CDH5: variants seen among roughly 807,000 people sequenced by gnomAD.
CDH5 encodes the protein cadherin-5.
A neutral mutation model predicts 62.0 loss-of-function variants in CDH5; 28 were observed. That is an observed-to-expected ratio of 0.45 (90% CI 0.33 to 0.62). The LOEUF (loss-of-function observed/expected upper bound fraction) is 0.62, where lower values mean the gene tolerates loss of function less well. Among genes scored for constraint, CDH5 ranks in the 20% least tolerant of loss-of-function variants. CDH5 has a pLI of 0.02. For missense variants in CDH5, 940 were observed against 1,065.1 expected (o/e 0.88, Z 1.63); for synonymous variants, 464 against 445.8 (o/e 1.04, Z -0.52).
intron 1 of CDH5, among the ~76,000 whole-genome samples, chr16:66,375,264 AG>A (rs2142309897): frequency 6.6e-6 from 1 of 152,316 alleles, no homozygotes; most frequent in African/African-American, 2.4e-5. Context: ...AAGATAAAAA[AG>A]GAGCCTGTAA....
intron 8 of CDH5, among the ~76,000 whole-genome samples, chr16:66,397,048 C>T (rs926892695): frequency 2.6e-5 from 4 of 152,228 alleles, no homozygotes; most frequent in Non-Finnish European, 5.9e-5. Context: ...AAATACTCCT[C>T]CCACCAATGC....
chr16:66,382,312 C>A (rs1008117740), intron 2 of CDH5, among the ~76,000 whole-genome samples: 6 of 152,218 alleles, frequency 3.9e-5, no homozygotes, highest in Admixed American at 1.3e-4. Context: ...TGGCTCCCAA[C>A]AATAACTGGG....
chr16:66,390,476 A>C lies in CDH5; in HGVS notation c.855A>C (p.Pro285=), dbSNP rs148866613. The change falls in exon 6 of 12, where the codon CCA becomes CCC. Residue 285 remains proline (P), a synonymous_variant. Coordinates refer to ENST00000341529, the MANE Select transcript of CDH5 (RefSeq NM_001795.5). The part of the protein sequence containing the change: ...TSVGSLFVED[P]DEPQNRMTKY... ...TGGGCTCTCTGTTTGTTGAGGACCCAGATGAGCCCCAGAACCGGATGACCA... is the reference window on the plus strand; with the variant it reads ...TGGGCTCTCTGTTTGTTGAGGACCCCGATGAGCCCCAGAACCGGATGACCA... 5 of 1,614,022 alleles carry C rather than the reference A, an allele frequency of 3.1e-6. No homozygotes were observed. The African/African-American group carries it at 5.3e-5, about 17-fold the overall frequency.
At chr16:66,397,917 C>T in intron 8 of CDH5, 65 bp from the exon 9 acceptor site, 1 of 1,605,832 alleles carries the variant, frequency 6.2e-7, no homozygotes. Flanking sequence ...TCCTTCCACA[C>T]ATCTTCCACC....
intron 2 of CDH5, among the ~76,000 whole-genome samples, chr16:66,382,268 C>T (rs1436442199): frequency 1.3e-5 from 2 of 152,190 alleles, no homozygotes; most frequent in African/African-American, 2.4e-5. Context: ...AATCTCCACT[C>T]GGAGCCCCAC....
chr16:66,368,650 G>A (rs1438819269), intron 1 of CDH5, among the ~76,000 whole-genome samples: 1 of 152,232 alleles, frequency 6.6e-6, no homozygotes, highest in East Asian at 1.9e-4. Flanking sequence ...CAGTCACACT[G>A]AAGCAACTAT....
At chr16:66,401,154 T>C in intron 11 of CDH5, 138 bp downstream of exon 11, 1 of 1,139,288 alleles carries the variant, frequency 8.8e-7, no homozygotes, top group Non-Finnish European at 1.3e-6. Context: ...AATGCAGCCC[T>C]TAGCCAGTTC....
Position 66,374,073 on chromosome 16 carries a change from A to C in CDH5, c.-19-5246A>C, listed in dbSNP as rs544592432. The stretch of plus-strand genomic sequence containing the variant: ...GGCTCCACTGCCTCCGGCTATGTGA[A>C]CTGAGATGACTTACGCTACCTCTCT... On this transcript the variant is annotated intron_variant, in intron 1 of 11. Transcript: ENST00000341529. 1.8e-3 allele frequency among the ~76,000 whole-genome samples: 271 copies of C among 152,296 alleles called. 2 individuals are homozygous for C. The highest frequency in any genetic ancestry group is 6.3e-3 in the African/African-American group (261 of 41,558).
chr16:66,393,988 G>A (rs1355560516), intron 7 of CDH5, among the ~76,000 whole-genome samples: 1 of 151,922 alleles, frequency 6.6e-6, no homozygotes, highest in Non-Finnish European at 1.5e-5. Flanking sequence ...TTGATCCAAG[G>A]GTTTATTTAA....
At chr16:66,386,724 C>A in intron 2 of CDH5, 85 bp from the exon 3 acceptor site, 1 of 1,216,344 alleles carries the variant, frequency 8.2e-7, no homozygotes. Flanking sequence ...TGCACAGGCA[C>A]ACCTGTGTAC....
rs1335612526 is a variant in CDH5, at chr16:66,390,425, T to C, written c.804T>C (p.Pro268=). The C allele has an allele frequency of 1.2e-6, 2 of 1,613,984 alleles. No individual in the cohort carries two copies. The highest frequency in any genetic ancestry group is 2.2e-5 in the East Asian group (1 of 44,884). Residue 268 remains proline, a synonymous_variant, in exon 6 of 12, where the codon CCT becomes CCC. Transcript: ENST00000341529. ...CAGCCAAGTACACATTTGTCGTGCC[T>C]GAAGACACCCGTGTGGGCACCTCTG... ...FTQTKYTFVV[P]EDTRVGTSVG...
At chr16:66,389,315 C>T in intron 4 of CDH5, 43 bp from the exon 5 acceptor site, 1 of 1,580,310 alleles carries the variant, frequency 6.3e-7, no homozygotes. Context: ...TCGGTATTTT[C>T]TAGAAGCTGG....
chr16:66,386,526 G>A (rs767058280), intron 2 of CDH5, among the ~76,000 whole-genome samples: 16 of 152,026 alleles, frequency 1.1e-4, no homozygotes, highest in Admixed American at 3.3e-4. Context: ...GAGAATATGT[G>A]GTATTGGATT....
intron 1 of CDH5, among the ~76,000 whole-genome samples, chr16:66,372,799 C>A (rs1412378919): frequency 6.6e-6 from 1 of 152,204 alleles, no homozygotes; most frequent in Non-Finnish European, 1.5e-5. Context: ...CTGGGCTCCA[C>A]GCCCACTCAC....
intron 1 of CDH5, among the ~76,000 whole-genome samples, chr16:66,369,883 G>C (rs1036843609): frequency 1.3e-4 from 20 of 152,136 alleles, no homozygotes; most frequent in African/African-American, 4.6e-4. Context: ...TCTGCCATAG[G>C]TGTGGAAAGG....
chr16:66,367,588 GACCTTGGGAAAGTTACCCAGA>G, intron 1 of CDH5, among the ~76,000 whole-genome samples: 1 of 152,316 alleles, frequency 6.6e-6, no homozygotes, highest in Middle Eastern at 3.4e-3. Flanking sequence ...GCTCTGGGGT[GACCTTGGGAAAGTTACCCAGA>G]GTTTCCAAAC....
At position 66,403,961 on chromosome 16, in the gene CDH5, C is replaced by G. The variant is rs1383310424; in HGVS notation, c.*792C>G. The G allele has an allele frequency of 6.5e-6, 1 of 152,736 alleles. No homozygotes were observed. The highest frequency in any genetic ancestry group is 1.9e-4 in the East Asian group (1 of 5,190). 9.5% of individuals were successfully genotyped at this position (152,736 alleles called of 1,614,324 possible). ...GGTGAGGGCCACCTCCACACCCACC[C>G]CCTCTGGAGAAGGCCTGGAAGAGCT... is the stretch of plus-strand genomic sequence containing the variant. On this transcript the variant is annotated 3_prime_UTR_variant, in exon 12 of 12. Transcript: ENST00000341529. This position sits in a 1 kb window ranked among gnomAD's most constrained non-coding sequence, Gnocchi z 4.3.
intron 1 of CDH5, among the ~76,000 whole-genome samples, chr16:66,368,455 A>T (rs1488175923): frequency 6.6e-6 from 1 of 152,214 alleles, no homozygotes; most frequent in African/African-American, 2.4e-5. Context: ...TGTGTTGCCA[A>T]ACAAGGGCCG....
Position 66,404,763 on chromosome 16 carries a change from G to T in CDH5, c.*1594G>T, listed in dbSNP as rs1285394340. The stretch of plus-strand genomic sequence containing the variant: ...CTGTATTTTTTTATACCTAAATAAA[G>T]AAAAATCTTTAGCCTGGGCAACATA... On this transcript the variant is annotated 3_prime_UTR_variant, in exon 12 of 12. Coordinates refer to ENST00000341529, the MANE Select transcript of CDH5 (RefSeq NM_001795.5). 1 of 152,320 alleles carries T rather than the reference G, an allele frequency of 6.6e-6. No homozygotes were observed. The highest frequency in any genetic ancestry group is 1.5e-5 in the Non-Finnish European group (1 of 67,990). 9.4% of individuals were successfully genotyped at this position (152,320 alleles called of 1,614,324 possible).
Sources: gnomAD v4.1 joint callset for allele counts (sites outside exome capture counted in the v4.1 genomes callset) on GRCh38, gnomAD v4.1.1 for gene constraint, Gnocchi (gnomAD v3.1) non-coding constraint, MANE v1.5 for transcripts, NCBI Gene and HGNC (gene_info 2026-07-23, HGNC 2026-07-21) for gene names.